Variants in CERT1 observed in about 807,000 individuals in gnomAD.
CERT1 encodes the protein ceramide transfer protein.
In CERT1, 31 loss-of-function variants were observed where a neutral mutation model predicts 87.9. The observed-to-expected ratio is 0.35, with a 90% CI of 0.27 to 0.48. The LOEUF (loss-of-function observed/expected upper bound fraction) is 0.48, where lower values mean the gene tolerates loss of function less well. CERT1 is among the 20% of genes least tolerant of loss of function. The pLI is 0.99. For synonymous variants in CERT1, 289 were observed against 250.9 expected (o/e 1.15, Z -1.44); for missense variants, 487 against 758.0 (o/e 0.64, Z 4.20).
chr5:75,490,493 A>ATTTT (rs1399927302), intron 2 of CERT1, among the ~76,000 whole-genome samples: 2 of 149,080 alleles, frequency 1.3e-5, no homozygotes, highest in African/African-American at 4.9e-5. Context: ...CCTGTACGAA[A>ATTTT]TTTTTATTTA....
intron 1 of CERT1, among the ~76,000 whole-genome samples, chr5:75,506,865 G>A (rs1407572804): frequency 6.6e-6 from 1 of 152,090 alleles, no homozygotes. Context: ...CTAAAGTCTT[G>A]CTGCAAAGTG....
At chr5:75,497,821 G>A (rs928282489) in intron 2 of CERT1, among the ~76,000 whole-genome samples, 4 of 152,124 alleles carry the variant, frequency 2.6e-5, no homozygotes, top group African/African-American at 9.7e-5. Context: ...GTAGAGAGTG[G>A]GGTGCTGCTA....
intron 3 of CERT1, among the ~76,000 whole-genome samples, chr5:75,428,881 T>A (rs1161509956): frequency 1.3e-5 from 2 of 152,076 alleles, no homozygotes; most frequent in Non-Finnish European, 2.9e-5. Flanking sequence ...TGTCCTATTA[T>A]CTCTTCAAGG....
intron 3 of CERT1, among the ~76,000 whole-genome samples, chr5:75,456,579 T>C (rs1216174139): frequency 7.0e-6 from 1 of 141,940 alleles, no homozygotes; most frequent in Non-Finnish European, 1.5e-5. Flanking sequence ...GAGGCTAAGG[T>C]GAGAGGATCG....
chr5:75,444,229 T>C (rs1343117661), intron 3 of CERT1, among the ~76,000 whole-genome samples: 1 of 152,012 alleles, frequency 6.6e-6, no homozygotes, highest in Non-Finnish European at 1.5e-5. Flanking sequence ...CTAATTTTTA[T>C]AGTTTTAGTA....
At chr5:75,432,046 A>AT (rs1475512340) in intron 3 of CERT1, among the ~76,000 whole-genome samples, 1 of 148,592 alleles carries the variant, frequency 6.7e-6, no homozygotes, top group African/African-American at 2.5e-5. Context: ...GTGTATAAAC[A>AT]TTCCCCCCCC....
In CERT1 at chr5:75,388,599, C is replaced by CATATATATATATATATAT. The variant is rs59799780; in HGVS notation, c.1284+975_1284+992dup. On this transcript the variant is annotated intron_variant, in intron 12 of 16. Coordinates refer to ENST00000643780, the MANE Select transcript of CERT1 (RefSeq NM_001379029.1). Reference sequence around the variant, plus strand: ...GATGGAGCCAAGTATAGCATGCATGCATATATATATATATATATATATATA... The same window carrying CATATATATATATATATAT: ...GATGGAGCCAAGTATAGCATGCATGCATATATATATATATATATATATATATATATATATATATATATA... Among the ~76,000 whole-genome samples the CATATATATATATATATAT allele has an allele frequency of 4.2e-4, 39 of 91,840 alleles. 1 individual carries two copies. The highest frequency in any genetic ancestry group is 5.3e-4 in the Admixed American group (4 of 7,492). The allele number at this position is 91,840 out of a possible 152,430, so 60.3% of individuals were successfully genotyped here.
In CERT1 at chr5:75,377,991, C is replaced by A. The variant is rs1257945153; in HGVS notation, c.*1355G>T. On this transcript the variant is annotated 3_prime_UTR_variant, in exon 17 of 17. Transcript: ENST00000643780. ...ATGGAATCTTGCTATGTTATCCAGG[C>A]TAGACTTGAACTCCTGGCCTCAAGC... The A allele has an allele frequency of 1.3e-5, 2 of 152,260 alleles. No individual in the cohort carries two copies. The highest frequency in any genetic ancestry group is 2.9e-5 in the Non-Finnish European group (2 of 68,108). The allele number at this position is 152,260 out of a possible 1,614,324, so 9.4% of individuals were successfully genotyped here. A position where few individuals can be genotyped will look rare whatever the true frequency, so the allele number is the denominator to read the frequency against.
chr5:75,446,042 T>C (rs1387337043), intron 3 of CERT1, among the ~76,000 whole-genome samples: 1 of 152,236 alleles, frequency 6.6e-6, no homozygotes, highest in Non-Finnish European at 1.5e-5. Flanking sequence ...CATGTTTATA[T>C]TCATGTCTTT....
intron 11 of CERT1, among the ~76,000 whole-genome samples, chr5:75,398,846 C>A (rs1762358777): frequency 6.6e-6 from 1 of 152,100 alleles, no homozygotes; most frequent in Non-Finnish European, 1.5e-5. Context: ...CTCAATAGAG[C>A]TTAGTATTAT....
chr5:75,500,607 G>A (rs937677076), intron 2 of CERT1, among the ~76,000 whole-genome samples: 2 of 152,078 alleles, frequency 1.3e-5, no homozygotes, highest in South Asian at 4.1e-4. Flanking sequence ...AAAATTCACT[G>A]ACAAATGCTC....
At chr5:75,437,820 A>AC (rs1386056911) in intron 3 of CERT1, among the ~76,000 whole-genome samples, 4 of 151,546 alleles carry the variant, frequency 2.6e-5, no homozygotes, top group Admixed American at 6.6e-5. Flanking sequence ...CATGAATCCT[A>AC]CTTCCATTGT....
At chr5:75,428,550 C>T (rs1041220216) in intron 3 of CERT1, among the ~76,000 whole-genome samples, 8 of 151,856 alleles carry the variant, frequency 5.3e-5, no homozygotes, top group African/African-American at 1.7e-4. Flanking sequence ...CAGTGGCGGG[C>T]GCCTGTAGTC....
In CERT1 at chr5:75,511,094, G is replaced by T. The variant is rs769195277; in HGVS notation, c.96+18C>A. 2.0e-6 allele frequency: 3 copies of T among 1,531,088 alleles called. No homozygotes were observed. The highest frequency in any genetic ancestry group is 2.6e-6 in the Non-Finnish European group (3 of 1,139,550). The allele number at this position is 1,531,088 out of a possible 1,614,324, so 94.8% of individuals were successfully genotyped here. A position where few individuals can be genotyped will look rare whatever the true frequency, so the allele number is the denominator to read the frequency against. ...GGTGAGTCTGGCCAGGGGTCCCTTG[G>T]CACCAGGGGTTGCTCACCTTACTGA... is the stretch of plus-strand genomic sequence containing the variant. On this transcript the variant is annotated intron_variant, in intron 1 of 16. Transcript: ENST00000643780.
chr5:75,391,569 A>T (rs1762029405), intron 11 of CERT1, among the ~76,000 whole-genome samples: 1 of 152,228 alleles, frequency 6.6e-6, no homozygotes, highest in Non-Finnish European at 1.5e-5. Flanking sequence ...TTGGTGTTGC[A>T]TGGAGAACCT....
At chr5:75,460,426 G>C (rs1208087554) in intron 2 of CERT1, among the ~76,000 whole-genome samples, 2 of 152,122 alleles carry the variant, frequency 1.3e-5, no homozygotes, top group African/African-American at 4.8e-5. Flanking sequence ...TCCGCATTAA[G>C]GTGTAAACAT....
At chr5:75,468,461 C>G (rs1178792296) in intron 2 of CERT1, among the ~76,000 whole-genome samples, 1 of 152,096 alleles carries the variant, frequency 6.6e-6, no homozygotes, top group Non-Finnish European at 1.5e-5. Flanking sequence ...GCCAGGCAGA[C>G]CCCTCATGGT....
Position 75,379,282 on chromosome 5 carries a change from G to T in CERT1, c.*64C>A. The T allele has an allele frequency of 1.5e-6, 2 of 1,349,898 alleles. No homozygotes were observed. Among genetic ancestry groups the T allele is most frequent in the South Asian group, 1.3e-5 (1 of 76,650 alleles). The allele number at this position is 1,349,898 out of a possible 1,614,324, so 83.6% of individuals were successfully genotyped here. On this transcript the variant is annotated 3_prime_UTR_variant, in exon 17 of 17. Coordinates refer to ENST00000643780, the MANE Select transcript of CERT1 (RefSeq NM_001379029.1). ...CTTTCAACAACTAAATTTTAGTATTGACAGTCATATTAGTCAAATAAAGTT... is the reference window on the plus strand; with the variant it reads ...CTTTCAACAACTAAATTTTAGTATTTACAGTCATATTAGTCAAATAAAGTT...
chr5:75,457,847 T>G (rs1765053691), intron 3 of CERT1, among the ~76,000 whole-genome samples: 1 of 150,690 alleles, frequency 6.6e-6, no homozygotes, highest in South Asian at 2.1e-4. Flanking sequence ...TCTTTATCAA[T>G]CGTGTTAGCT....
Sources: gnomAD v4.1 joint callset for allele counts (sites outside exome capture counted in the v4.1 genomes callset) on GRCh38, gnomAD v4.1.1 for gene constraint, MANE v1.5 for transcripts, NCBI Gene and HGNC (gene_info 2026-07-23, HGNC 2026-07-21) for gene names.